Variants in NLRP8 observed in about 807,000 individuals in gnomAD.
NLRP8 encodes NACHT, LRR and PYD domains-containing protein 8.
A neutral mutation model predicts 88.7 loss-of-function variants in NLRP8; 86 were observed. The ratio of observed to expected loss-of-function variants is 0.97; its 90% confidence interval spans 0.81 to 1.16. NLRP8 has a LOEUF of 1.16. Ranked by LOEUF, NLRP8 falls within the 50% of genes most tolerant of loss-of-function variation. The probability of loss-of-function intolerance (pLI) is 0.00; values close to 1 mark genes in which losing one functional copy is unlikely to be tolerated. For synonymous variants in NLRP8, 504 were observed against 494.6 expected, an observed-to-expected ratio of 1.02 and a Z score of -0.25; for missense variants, 1,342 against 1,286.5, an observed-to-expected ratio of 1.04 and a Z score of -0.66.
chr19:55,981,282 G>A (rs975024172), intron 9 of NLRP8, among the ~76,000 whole-genome samples, 124 bp downstream of exon 10: 8 of 151,366 alleles, frequency 5.3e-5, no homozygotes, highest in African/African-American at 7.3e-5. Context: ...TTTGTGGGCC[G>A]TCCTGACTCT....
chr19:55,976,067 GTTGTTGTTGTTGTTGTT>G (rs1175850826), intron 7 of NLRP8, 49 bp from the exon 8 acceptor site: 4 of 1,308,630 alleles, frequency 3.1e-6, no homozygotes, highest in Non-Finnish European at 4.1e-6. Flanking sequence ...TGTTTTCGTT[GTTGTTGTTGTTGTTGTT>G]TTGTTGTAGT....
At chr19:55,964,509 T>C (rs1979751969) in intron 4 of NLRP8, among the ~76,000 whole-genome samples, 1 of 152,266 alleles carries the variant, frequency 6.6e-6, no homozygotes. Context: ...CCCAGCGCTT[T>C]GGGAAGCCAA....
In NLRP8 at chr19:55,966,893, T is replaced by C. The variant is rs181283225; in HGVS notation, c.2381+513T>C. Among the ~76,000 whole-genome samples, 144 of 152,298 alleles carry C rather than the reference T, an allele frequency of 9.5e-4. 1 individual carries two copies. The highest frequency in any genetic ancestry group is 2.9e-3 in the African/African-American group (122 of 41,570). ...ACCAGGAAATCTGAGCCCCAGCTCC[T>C]ACTGGATTGCAAAAGCTGGATATTT... On this transcript the variant is annotated intron_variant, in intron 5 of 9. Coordinates refer to ENST00000291971, the MANE Select transcript of NLRP8 (RefSeq NM_176811.2).
At chr19:55,972,795 GTGTGTGTGTGTGTA>G (rs1193964995) in intron 6 of NLRP8, among the ~76,000 whole-genome samples, 18 of 74,676 alleles carry the variant, frequency 2.4e-4, no homozygotes, top group African/African-American at 1.7e-3. Context: ...TCCATGGTGT[GTGTGTGTGTGTGTA>G]TGTGTGTGTG....
In NLRP8 at chr19:55,970,782, C is replaced by A. The variant is rs1568465794; in HGVS notation, c.2534+86C>A. On this transcript the variant is annotated intron_variant, in intron 6 of 9. Coordinates refer to ENST00000291971, the MANE Select transcript of NLRP8 (RefSeq NM_176811.2). ...TTAGTGCTTCTGTGAGAAAAGAAGT[C>A]ATAGGGAAGGTACATGTATAGGAGC... 5 of 1,554,296 alleles carry A rather than the reference C, an allele frequency of 3.2e-6. No individual in the cohort carries two copies. In the South Asian group the frequency reaches 3.5e-5, roughly 11 times the overall value.
chr19:55,966,516 A>G (rs568319032), intron 5 of NLRP8, 136 bp downstream of exon 5: 3 of 868,838 alleles, frequency 3.5e-6, no homozygotes, highest in South Asian at 2.0e-5. Flanking sequence ...TAAAAGTACA[A>G]TTTGGGCCGG....
At chr19:55,973,951 A>T (rs755345335) in intron 7 of NLRP8, 129 bp downstream of exon 7, 16 of 827,770 alleles carry the variant, frequency 1.9e-5, no homozygotes, top group Non-Finnish European at 2.7e-5. Context: ...TGGTGCTAGC[A>T]CTGAGGGGAA....
intron 9 of NLRP8, among the ~76,000 whole-genome samples, chr19:55,986,479 C>CACACACAT (rs1568472025): frequency 1.4e-5 from 2 of 139,380 alleles, no homozygotes; most frequent in African/African-American, 5.4e-5. Flanking sequence ...CACATACACA[C>CACACACAT]ACACACACAC....
intron 6 of NLRP8, among the ~76,000 whole-genome samples, chr19:55,973,008 A>G (rs746720484): frequency 1.3e-5 from 2 of 151,752 alleles, no homozygotes; most frequent in Non-Finnish European, 2.9e-5. Flanking sequence ...TCAAATGGTC[A>G]CTCTACTTTT....
At chr19:55,956,346 C>T (rs1172675973) in intron 3 of NLRP8, among the ~76,000 whole-genome samples, 2 of 152,022 alleles carry the variant, frequency 1.3e-5, no homozygotes, top group Admixed American at 6.6e-5. Flanking sequence ...TGGGTTCAAG[C>T]GATTCTCCTG....
At chr19:55,984,377 G>A (rs535439294) in intron 9 of NLRP8, among the ~76,000 whole-genome samples, 37 of 152,064 alleles carry the variant, frequency 2.4e-4, no homozygotes, top group South Asian at 2.1e-3. Flanking sequence ...AGTTGTGGCC[G>A]GGCGCAGTGG....
At chr19:55,948,396 G>A (rs1280614022) in intron 1 of NLRP8, 127 bp downstream of exon 1, 2 of 982,562 alleles carry the variant, frequency 2.0e-6, no homozygotes, top group East Asian at 2.5e-5. Context: ...GGAAGATAAT[G>A]GATCTAACCC....
chr19:55,963,668 G>T (rs1979711888), intron 4 of NLRP8, among the ~76,000 whole-genome samples: 1 of 152,050 alleles, frequency 6.6e-6, no homozygotes, highest in African/African-American at 2.4e-5. Context: ...TCCCACCTCA[G>T]CCTCTCGAGT....
intron 8 of NLRP8, among the ~76,000 whole-genome samples, chr19:55,976,818 G>A (rs1400320202): frequency 5.0e-5 from 2 of 40,332 alleles, no homozygotes; most frequent in African/African-American, 1.2e-4. Flanking sequence ...GGTGGCTCAC[G>A]CCTATAATCC....
rs1980959481 is a variant in NLRP8, at chr19:55,988,419, C to T, written c.*506C>T. 8.9e-6 allele frequency: 1 copy of T among 112,430 alleles called. No homozygotes were observed. Among genetic ancestry groups the T allele is most frequent in the Non-Finnish European group, 1.8e-5 (1 of 56,458 alleles). The allele number at this position is 112,430 out of a possible 1,614,324, so 7.0% of individuals were successfully genotyped here. On this transcript the variant is annotated 3_prime_UTR_variant, in exon 10 of 10. Coordinates refer to ENST00000291971, the MANE Select transcript of NLRP8 (RefSeq NM_176811.2). ...CAAGAAGAAAAAAAAAATACATATA[C>T]ACATAAATATATATATGTGTGTGTG...
chr19:55,975,477 C>G (rs1375733399), intron 7 of NLRP8, among the ~76,000 whole-genome samples: 1 of 152,186 alleles, frequency 6.6e-6, no homozygotes, highest in Non-Finnish European at 1.5e-5. Flanking sequence ...AACCTGCACA[C>G]AGTTCACAGC....
At chr19:55,956,513 G>A (rs1979363898) in intron 3 of NLRP8, among the ~76,000 whole-genome samples, 1 of 152,030 alleles carries the variant, frequency 6.6e-6, no homozygotes, top group Non-Finnish European at 1.5e-5. Flanking sequence ...CAAATTGCTG[G>A]GATTACAGGC....
At chr19:55,976,102 G>T in intron 7 of NLRP8, 31 bp from the exon 8 acceptor site, 1 of 1,540,584 alleles carries the variant, frequency 6.5e-7, no homozygotes, top group East Asian at 2.4e-5. Context: ...AGTTGTTGTT[G>T]TTGTTGTTTT....
At chr19:55,958,726 T>A (rs1243458644) in intron 3 of NLRP8, among the ~76,000 whole-genome samples, 1 of 152,202 alleles carries the variant, frequency 6.6e-6, no homozygotes, top group Non-Finnish European at 1.5e-5. Context: ...GTCTTATTAT[T>A]TTTTGTAGAG....
Sources: gnomAD v4.1 joint callset for allele counts (sites outside exome capture counted in the v4.1 genomes callset) on GRCh38, gnomAD v4.1.1 for gene constraint, MANE v1.5 for transcripts, NCBI Gene and HGNC (gene_info 2026-07-23, HGNC 2026-07-21) for gene names.